The following ST3GAL4 variants were observed in gnomAD, a reference collection of about 807,000 sequenced individuals.
ST3GAL4 encodes the protein ST3 beta-galactoside alpha-2,3-sialyltransferase 4, also known as CMP-N-acetylneuraminate-beta-galactosamide-alpha-2,3-sialyltransferase 4.
Under a neutral mutation model 42.6 loss-of-function variants are expected in ST3GAL4, and 24 were observed. That is an observed-to-expected ratio of 0.56 (90% CI 0.41 to 0.79). The LOEUF (loss-of-function observed/expected upper bound fraction) is 0.79. Among genes scored for constraint, ST3GAL4 ranks in the 30% least tolerant of loss-of-function variants. The pLI, the probability that ST3GAL4 is intolerant of heterozygous loss-of-function variation, is 0.00. For synonymous variants in ST3GAL4, 135 were observed against 163.2 expected (o/e 0.83, Z 1.32); for missense variants, 311 against 430.8 (o/e 0.72, Z 2.46).
intron 1 of ST3GAL4, among the ~76,000 whole-genome samples, chr11:126,380,564 C>T (rs1183317705): frequency 6.6e-6 from 1 of 152,148 alleles, no homozygotes; most frequent in Non-Finnish European, 1.5e-5. Flanking sequence ...TCAGTTGACT[C>T]TGTTAATTTA....
intron 1 of ST3GAL4, chr11:126,403,362 G>T (rs1391215786): frequency 1.0e-6 from 1 of 981,780 alleles, no homozygotes; most frequent in Non-Finnish European, 1.2e-6. Context: ...GCTCACCTCT[G>T]ACGCCAAAGG....
chr11:126,397,284 T>G lies in ST3GAL4; in HGVS notation c.-60-8812T>G, dbSNP rs1043976129. 1.3e-5 allele frequency among the ~76,000 whole-genome samples: 2 copies of G among 152,060 alleles called. No homozygotes were observed. The highest frequency in any genetic ancestry group is 2.4e-5 in the African/African-American group (1 of 41,350). On this transcript the variant is annotated intron_variant, in intron 1 of 10. Coordinates refer to ENST00000444328, the MANE Select transcript of ST3GAL4 (RefSeq NM_001254757.2). The surrounding 1 kb of genome is among the most constrained non-coding windows in gnomAD (Gnocchi z 5.0). Reference sequence around the variant, plus strand: ...GACCACAGAGGTCATTTAGGCAAGCTAGGAAAGCACAGAATGATATAACAC... The same window carrying G: ...GACCACAGAGGTCATTTAGGCAAGCGAGGAAAGCACAGAATGATATAACAC...
chr11:126,380,176 C>T (rs1306031167), intron 1 of ST3GAL4, among the ~76,000 whole-genome samples: 1 of 151,600 alleles, frequency 6.6e-6, no homozygotes, highest in Non-Finnish European at 1.5e-5. Context: ...GCAGGAGAAT[C>T]GCTTAAACCC....
At chr11:126,408,871 A>G in intron 8 of ST3GAL4, 1 of 395,820 alleles carries the variant, frequency 2.5e-6, no homozygotes, top group East Asian at 4.3e-5. Flanking sequence ...GTGTCCAAAC[A>G]GATGGTCCCC....
intron 1 of ST3GAL4, among the ~76,000 whole-genome samples, chr11:126,387,658 A>C (rs1005418960): frequency 6.7e-6 from 1 of 150,342 alleles, no homozygotes; most frequent in Non-Finnish European, 1.5e-5. Flanking sequence ...TGGGCTACAG[A>C]GCAAGACTCT....
intron 1 of ST3GAL4, among the ~76,000 whole-genome samples, chr11:126,395,595 C>G (rs569102893): frequency 4.6e-5 from 7 of 152,164 alleles, no homozygotes; most frequent in African/African-American, 1.7e-4. Context: ...ATGGGAGAGA[C>G]CTGGTGGGAG....
At chr11:126,362,996 CCCTA>C (rs1952299053) in intron 1 of ST3GAL4, among the ~76,000 whole-genome samples, 1 of 152,222 alleles carries the variant, frequency 6.6e-6, no homozygotes, top group Non-Finnish European at 1.5e-5. Flanking sequence ...CCTCTCCAGC[CCCTA>C]CCTTATGCCT....
At position 126,391,393 on chromosome 11, in the gene ST3GAL4, A is replaced by G. The variant is rs1326641632; in HGVS notation, c.-60-14703A>G. On this transcript the variant is annotated intron_variant, in intron 1 of 10. Coordinates refer to ENST00000444328, the MANE Select transcript of ST3GAL4 (RefSeq NM_001254757.2). This position sits in a 1 kb window ranked among gnomAD's most constrained non-coding sequence, Gnocchi z 5.5. The stretch of plus-strand genomic sequence containing the variant: ...CAACCTTGTGCCTGCTGAGTGGTGG[A>G]ACAGTTCTGAAAAGGTCTGTTCTGG... Among the ~76,000 whole-genome samples, 1 of 152,052 alleles carries G rather than the reference A, an allele frequency of 6.6e-6. No homozygotes were observed. Among genetic ancestry groups the G allele is most frequent in the Non-Finnish European group, 1.5e-5 (1 of 68,020 alleles).
chr11:126,365,965 G>A (rs1232362239), intron 1 of ST3GAL4, among the ~76,000 whole-genome samples: 1 of 152,210 alleles, frequency 6.6e-6, no homozygotes, highest in African/African-American at 2.4e-5. Flanking sequence ...GGACACACCT[G>A]TGGGGCTCAT....
chr11:126,404,905 A>G (rs1954159563), intron 1 of ST3GAL4, among the ~76,000 whole-genome samples: 1 of 152,224 alleles, frequency 6.6e-6, no homozygotes, highest in Admixed American at 6.5e-5. Flanking sequence ...ATCATTGGTT[A>G]ATGGTTTGTA....
At chr11:126,403,996 G>A (rs1198603259) in intron 1 of ST3GAL4, among the ~76,000 whole-genome samples, 2 of 152,122 alleles carry the variant, frequency 1.3e-5, no homozygotes, top group African/African-American at 2.4e-5. Context: ...TCCAGTGCTG[G>A]GCTAGATGAA....
chr11:126,360,744 G>C (rs1482916391), intron 1 of ST3GAL4, among the ~76,000 whole-genome samples: 2 of 152,190 alleles, frequency 1.3e-5, no homozygotes, highest in African/African-American at 2.4e-5. Context: ...CTTGTTCACT[G>C]GTGTATTTTC....
Position 126,406,037 on chromosome 11 carries a change from A to G in ST3GAL4, c.-60-59A>G. 1 of 1,534,460 alleles carries G rather than the reference A, an allele frequency of 6.5e-7. No homozygotes were observed. The highest frequency in any genetic ancestry group is 2.4e-5 in the East Asian group (1 of 40,840). ...GCAGACAGTGGGTGTGTCCTGCTCC[A>G]GTGTCTAGGCAGGAGAGTTTGTGAA... On this transcript the variant is annotated intron_variant, in intron 1 of 10. Coordinates refer to ENST00000444328, the MANE Select transcript of ST3GAL4 (RefSeq NM_001254757.2). This position sits in a 1 kb window ranked among gnomAD's most constrained non-coding sequence, Gnocchi z 5.4.
chr11:126,388,679 T>TTTTTTTTTTTTTTTTTTTTTTTC (rs1239186575), intron 1 of ST3GAL4, among the ~76,000 whole-genome samples: 11 of 122,718 alleles, frequency 9.0e-5, no homozygotes, highest in African/African-American at 2.8e-4. Context: ...TTTTTTTTTT[T>TTTTTTTTTTTTTTTTTTTTTTTC]TTCTGATTTA....
rs1168728647 is a variant in ST3GAL4, at chr11:126,382,090, G to A, written c.-60-24006G>A. Among the ~76,000 whole-genome samples, 3 of 152,044 alleles carry A rather than the reference G, an allele frequency of 2.0e-5. No individual in the cohort carries two copies. In the East Asian group the frequency reaches 5.8e-4, roughly 30 times the overall value. On this transcript the variant is annotated intron_variant, in intron 1 of 10. Transcript: ENST00000444328. ...GACCAGACGTTCTCTCCTGAGCATC[G>A]CTGACCCTGCAGCTGTCCAAATAGA...
Position 126,373,553 on chromosome 11 carries a change from A to T in ST3GAL4, c.-61+17711A>T, listed in dbSNP as rs1952729881. The stretch of plus-strand genomic sequence containing the variant: ...GGTGTCTTGTGACTGGCAGCTGATA[A>T]ACGGGTGATACAGTGTTTCTATACA... On this transcript the variant is annotated intron_variant, in intron 1 of 10. Transcript: ENST00000444328. This position sits in a 1 kb window ranked among gnomAD's most constrained non-coding sequence, Gnocchi z 5.5. Among the ~76,000 whole-genome samples the T allele has an allele frequency of 6.6e-6, 1 of 152,136 alleles. No individual in the cohort carries two copies. The highest frequency in any genetic ancestry group is 2.1e-4 in the South Asian group (1 of 4,820).
At chr11:126,374,217 C>T (rs550547453) in intron 1 of ST3GAL4, among the ~76,000 whole-genome samples, 8 of 151,806 alleles carry the variant, frequency 5.3e-5, no homozygotes, top group African/African-American at 1.5e-4. Flanking sequence ...TTTGGGAGGC[C>T]GAGTTTGGCA....
At chr11:126,367,817 G>A (rs1952490594) in intron 1 of ST3GAL4, among the ~76,000 whole-genome samples, 2 of 152,168 alleles carry the variant, frequency 1.3e-5, no homozygotes, top group African/African-American at 4.8e-5. Context: ...GAATGAAAGA[G>A]TAATCCCACA....
chr11:126,411,218 T>C lies in ST3GAL4; in HGVS notation c.771+1807T>C, dbSNP rs1388979419. 3.9e-5 allele frequency among the ~76,000 whole-genome samples: 6 copies of C among 151,952 alleles called. No individual in the cohort carries two copies. In the East Asian group the frequency reaches 1.2e-3, roughly 29 times the overall value. ...TGGAGTGCAGTGGGGTGATCTTGGCTCACTGCAACCTCTGCCTCCCAGGTT... is the reference window on the plus strand; with the variant it reads ...TGGAGTGCAGTGGGGTGATCTTGGCCCACTGCAACCTCTGCCTCCCAGGTT... On this transcript the variant is annotated intron_variant, in intron 9 of 10. Coordinates refer to ENST00000444328, the MANE Select transcript of ST3GAL4 (RefSeq NM_001254757.2). This position sits in a 1 kb window ranked among gnomAD's most constrained non-coding sequence, Gnocchi z 6.3.
Sources: gnomAD v4.1 joint callset for allele counts (sites outside exome capture counted in the v4.1 genomes callset) on GRCh38, gnomAD v4.1.1 for gene constraint, Gnocchi (gnomAD v3.1) non-coding constraint, MANE v1.5 for transcripts, NCBI Gene and HGNC (gene_info 2026-07-23, HGNC 2026-07-21) for gene names.